The following STAG2 variants were observed in gnomAD, a reference collection of about 807,000 sequenced individuals.
STAG2 encodes the protein STAG2 cohesin complex component.
In STAG2, 14 loss-of-function variants were observed where a neutral mutation model predicts 108.1. The observed-to-expected ratio is 0.13, with a 90% CI of 0.09 to 0.20. The LOEUF is 0.20. Ranked by LOEUF, STAG2 falls within the 10% of genes least tolerant of loss-of-function variation. The probability of loss-of-function intolerance (pLI) is 1.00; values close to 1 mark genes in which losing one functional copy is unlikely to be tolerated. For missense variants in STAG2, 440 were observed against 940.9 expected (o/e 0.47, Z 6.96); for synonymous variants, 307 against 302.7 (o/e 1.01, Z -0.15).
intron 1 of STAG2, among the ~76,000 whole-genome samples, chrX:123,989,849 A>T (rs1484544466): frequency 9.1e-6 from 1 of 109,688 alleles, no homozygotes; most frequent in Non-Finnish European, 1.9e-5. Flanking sequence ...TGATCCACCC[A>T]CCTCAGCCTC....
intron 29 of STAG2, among the ~76,000 whole-genome samples, chrX:124,085,311 A>G (rs2059071796): frequency 9.0e-6 from 1 of 111,422 alleles, no homozygotes; most frequent in African/African-American, 3.3e-5. Flanking sequence ...ACTTATCTGT[A>G]ATGTCCTATT....
At chrX:124,055,664 A>G in intron 13 of STAG2, among the ~76,000 whole-genome samples, 1 of 80,221 alleles carries the variant, frequency 1.2e-5, no homozygotes, top group East Asian at 6.1e-4. Context: ...ATTGCCTTAC[A>G]TGGTGTTCAG....
intron 1 of STAG2, among the ~76,000 whole-genome samples, chrX:123,997,789 C>T (rs1347184500): frequency 9.0e-6 from 1 of 111,351 alleles, no homozygotes; most frequent in African/African-American, 3.3e-5. Context: ...TATAGGCACC[C>T]GTCACCCTGC....
chrX:123,975,781 G>A (rs1263731972), intron 1 of STAG2, among the ~76,000 whole-genome samples: 3 of 112,149 alleles, frequency 2.7e-5, no homozygotes, highest in Non-Finnish European at 5.6e-5. Context: ...TACTTTTTGA[G>A]TTTTGATTAA....
intron 1 of STAG2, among the ~76,000 whole-genome samples, chrX:123,983,514 T>C (rs2054993091): frequency 9.0e-6 from 1 of 111,479 alleles, no homozygotes; most frequent in Non-Finnish European, 1.9e-5. Flanking sequence ...GTGTAATCTT[T>C]TTAGCAGTGA....
At chrX:124,011,861 T>G (rs2056533705) in intron 1 of STAG2, among the ~76,000 whole-genome samples, 1 of 111,768 alleles carries the variant, frequency 8.9e-6, no homozygotes, top group Admixed American at 9.5e-5. Context: ...GAGCCCTCCT[T>G]ACCCAATCTC....
intron 1 of STAG2, among the ~76,000 whole-genome samples, chrX:123,980,823 C>T (rs2054839235): frequency 8.9e-6 from 1 of 112,070 alleles, no homozygotes. Context: ...TACAATACTG[C>T]AATTTGATGT....
At chrX:124,002,466 T>A (rs1474952050) in intron 1 of STAG2, among the ~76,000 whole-genome samples, 3 of 111,807 alleles carry the variant, frequency 2.7e-5, no homozygotes, top group African/African-American at 9.8e-5. Context: ...TTGTTGTATC[T>A]TTCCTGTAGA....
intron 1 of STAG2, among the ~76,000 whole-genome samples, chrX:123,966,416 C>A (rs187105133): frequency 9.3e-6 from 1 of 107,645 alleles, no homozygotes; most frequent in African/African-American, 3.4e-5. Context: ...GAGCTGAGAT[C>A]GCGCCACTGC....
At chrX:124,061,723 A>C (rs1319833830) in intron 16 of STAG2, 48 bp from the exon 17 acceptor site, 3 of 1,005,094 alleles carry the variant, frequency 3.0e-6, no homozygotes, top group Non-Finnish European at 4.0e-6. Context: ...AGGGAGAAGA[A>C]ATAAGCTAAC....
At chrX:124,078,365 TAA>T (rs2058853399) in intron 27 of STAG2, among the ~76,000 whole-genome samples, 1 of 111,924 alleles carries the variant, frequency 8.9e-6, no homozygotes, top group East Asian at 2.8e-4. Flanking sequence ...TCCAAGGTGA[TAA>T]GACAAGTTTG....
At chrX:123,977,444 GTTT>G (rs3216840) in intron 1 of STAG2, among the ~76,000 whole-genome samples, 1 of 109,561 alleles carries the variant, frequency 9.1e-6, no homozygotes, top group African/African-American at 3.3e-5. Context: ...CTTTTCTGCT[GTTT>G]TTTTTCCCCC....
chrX:124,028,080 TC>T (rs1212239319), intron 4 of STAG2, among the ~76,000 whole-genome samples: 1 of 111,774 alleles, frequency 8.9e-6, no homozygotes, highest in African/African-American at 3.3e-5. Context: ...ACTAGTCTAT[TC>T]TGTTGTAGTT....
chrX:124,077,702 C>T (rs776083114), intron 26 of STAG2, among the ~76,000 whole-genome samples: 1 of 111,165 alleles, frequency 9.0e-6, no homozygotes. Context: ...ACCAGTATAC[C>T]GTCTTTATTT....
chrX:124,055,405 A>G (rs764178661), intron 13 of STAG2, among the ~76,000 whole-genome samples: 60 of 112,714 alleles, frequency 5.3e-4, no homozygotes, highest in Admixed American at 2.5e-3. Flanking sequence ...TGGGAGAGAA[A>G]GAGCTGCCAG....
chrX:124,078,773 A>G (rs1173457861), intron 27 of STAG2, among the ~76,000 whole-genome samples: 5 of 110,397 alleles, frequency 4.5e-5, no homozygotes. Context: ...ATTCGAGACC[A>G]GCCTGGCCAA....
At chrX:123,989,272 G>T (rs1414506060) in intron 1 of STAG2, among the ~76,000 whole-genome samples, 3 of 111,617 alleles carry the variant, frequency 2.7e-5, no homozygotes, top group Non-Finnish European at 5.6e-5. Context: ...TACAAAAGGG[G>T]TATAAAGTGA....
At chrX:123,973,457 G>A (rs1398153537) in intron 1 of STAG2, among the ~76,000 whole-genome samples, 1 of 104,802 alleles carries the variant, frequency 9.5e-6, no homozygotes, top group Non-Finnish European at 1.9e-5. Context: ...CAGGGGAATT[G>A]CTTGAACCCG....
chrX:124,061,551 T>C (rs969958249), intron 16 of STAG2, among the ~76,000 whole-genome samples: 4 of 110,988 alleles, frequency 3.6e-5, no homozygotes, highest in African/African-American at 1.3e-4. Flanking sequence ...GTTATTTTTT[T>C]TACCCAAATG....
Sources: allele counts gnomAD v4.1 joint callset (sites outside exome capture counted in the v4.1 genomes callset), GRCh38; gene constraint gnomAD v4.1.1; transcripts MANE v1.5; gene names NCBI Gene and HGNC (gene_info 2026-07-23, HGNC 2026-07-21).